The following INPP5A variants were observed in gnomAD, a reference collection of about 807,000 sequenced individuals.
INPP5A encodes the protein 43 kDa inositol polyphosphate 5-phophatase.
INPP5A carries 14 observed loss-of-function variants against 65.2 expected under a neutral mutation model. That is an observed-to-expected ratio of 0.21 (90% CI 0.14 to 0.34). INPP5A has a LOEUF of 0.34. Among genes scored for constraint, INPP5A ranks in the 10% least tolerant of loss-of-function variants. The pLI, the probability that INPP5A is intolerant of heterozygous loss-of-function variation, is 1.00. For missense variants in INPP5A, 431 were observed against 545.6 expected (o/e 0.79, Z 2.09); for synonymous variants, 207 against 208.3 (o/e 0.99, Z 0.05).
chr10:132,779,876 G>T (rs2134697343), intron 13 of INPP5A, among the ~76,000 whole-genome samples: 1 of 152,360 alleles, frequency 6.6e-6, no homozygotes, highest in South Asian at 2.1e-4. Flanking sequence ...TCGGTGACAA[G>T]TGTTCAGTGA....
At chr10:132,680,526 C>T (rs575676956) in intron 4 of INPP5A, among the ~76,000 whole-genome samples, 34 of 152,390 alleles carry the variant, frequency 2.2e-4, no homozygotes, top group African/African-American at 6.7e-4. Context: ...CGCTCGCTCT[C>T]GGCGCCTGCT....
chr10:132,781,731 C>T, intron 14 of INPP5A, 130 bp from the exon 15 acceptor site: 1 of 757,168 alleles, frequency 1.3e-6, no homozygotes, highest in Non-Finnish European at 2.3e-6. Context: ...TGCTGGCCAT[C>T]AGCTCCTCCC....
intron 8 of INPP5A, among the ~76,000 whole-genome samples, chr10:132,713,943 G>C (rs1404311192): frequency 6.6e-6 from 1 of 152,144 alleles, no homozygotes; most frequent in Non-Finnish European, 1.5e-5. Context: ...TGGACAGCAT[G>C]TCAGTCGCCC....
intron 2 of INPP5A, among the ~76,000 whole-genome samples, chr10:132,632,492 C>T (rs1193588923): frequency 6.6e-6 from 1 of 152,164 alleles, no homozygotes; most frequent in Non-Finnish European, 1.5e-5. Context: ...AGGCATGTGC[C>T]GAAGTGGATC....
chr10:132,675,507 G>T lies in INPP5A; in HGVS notation c.307-14885G>T, dbSNP rs1026490756. Among the ~76,000 whole-genome samples the T allele has an allele frequency of 2.6e-5, 4 of 152,244 alleles. No individual in the cohort carries two copies. Among genetic ancestry groups the T allele is most frequent in the African/African-American group, 4.8e-5 (2 of 41,454 alleles). ...TGTAAACCGAGGCACCTCCTGCAGTGTAAAACACGGAGAGAAGTGCGGTTG... is the reference window on the plus strand; with the variant it reads ...TGTAAACCGAGGCACCTCCTGCAGTTTAAAACACGGAGAGAAGTGCGGTTG... On this transcript the variant is annotated intron_variant, in intron 4 of 15. Coordinates refer to ENST00000368594, the MANE Select transcript of INPP5A (RefSeq NM_005539.5). This position sits in a 1 kb window ranked among gnomAD's most constrained non-coding sequence, Gnocchi z 4.2.
chr10:132,762,794 A>G lies in INPP5A; in HGVS notation c.904-2979A>G, dbSNP rs1846757974. 6.6e-6 allele frequency among the ~76,000 whole-genome samples: 1 copy of G among 152,126 alleles called. No individual in the cohort carries two copies. The highest frequency in any genetic ancestry group is 2.4e-5 in the African/African-American group (1 of 41,430). On this transcript the variant is annotated intron_variant, in intron 11 of 15. Transcript: ENST00000368594. The surrounding 1 kb of genome is among the most constrained non-coding windows in gnomAD (Gnocchi z 4.6). ...TTGCTTGAGGCCAGTAGTCTCAGAC[A>G]AGCCAGGGCAATGTGGCAAGACCCC...
In INPP5A at chr10:132,538,289, A is replaced by AGGC; in HGVS notation, c.75+118_75+119insGGC. 1.8e-5 allele frequency: 8 copies of AGGC among 438,828 alleles called. No homozygotes were observed. Among genetic ancestry groups the AGGC allele is most frequent in the Non-Finnish European group, 2.7e-5 (8 of 293,238 alleles). The allele number at this position is 438,828 out of a possible 1,614,324, so 27.2% of individuals were successfully genotyped here. A position where few individuals can be genotyped will look rare whatever the true frequency, so the allele number is the denominator to read the frequency against. On this transcript the variant is annotated intron_variant, in intron 1 of 15. Transcript: ENST00000368594. The surrounding 1 kb of genome is among the most constrained non-coding windows in gnomAD (Gnocchi z 4.1). Reference sequence around the variant, plus strand: ...GAACCTCCAGACCCAGAGGCCCCAGACTCTGATCCCTGTACCCGGGACCCC... The same window carrying AGGC: ...GAACCTCCAGACCCAGAGGCCCCAGAGGCCTCTGATCCCTGTACCCGGGACCCC...
intron 11 of INPP5A, among the ~76,000 whole-genome samples, chr10:132,756,688 A>G (rs919331041): frequency 6.6e-6 from 1 of 152,198 alleles, no homozygotes; most frequent in Non-Finnish European, 1.5e-5. Context: ...TTCTTCTCCC[A>G]CACTTCTTAC....
At chr10:132,777,527 C>A in intron 12 of INPP5A, 144 bp from the exon 13 acceptor site, 1 of 685,596 alleles carries the variant, frequency 1.5e-6, no homozygotes. Context: ...GTTTTATATT[C>A]TAGAAACTTC....
At chr10:132,625,717 A>T (rs1191813723) in intron 2 of INPP5A, among the ~76,000 whole-genome samples, 1 of 152,052 alleles carries the variant, frequency 6.6e-6, no homozygotes, top group African/African-American at 2.4e-5. Context: ...GGCTGAGGTC[A>T]GGGGCGTGCC....
At chr10:132,773,893 T>C (rs1222866588) in intron 12 of INPP5A, among the ~76,000 whole-genome samples, 1 of 152,190 alleles carries the variant, frequency 6.6e-6, no homozygotes, top group Admixed American at 6.5e-5. Flanking sequence ...CCCAAGTAGC[T>C]GGGACTACAG....
At chr10:132,597,007 G>T (rs377118542) in intron 1 of INPP5A, among the ~76,000 whole-genome samples, 3 of 151,202 alleles carry the variant, frequency 2.0e-5, no homozygotes, top group Non-Finnish European at 2.9e-5. Context: ...TTGTGTGCAC[G>T]CTCCTGTACG....
chr10:132,686,481 G>T (rs1178820663), intron 4 of INPP5A, among the ~76,000 whole-genome samples: 1 of 152,212 alleles, frequency 6.6e-6, no homozygotes, highest in African/African-American at 2.4e-5. Flanking sequence ...CTTCCTGTCG[G>T]CAGGCCCCGG....
At chr10:132,645,592 C>T (rs868543995) in intron 2 of INPP5A, among the ~76,000 whole-genome samples, 3 of 152,168 alleles carry the variant, frequency 2.0e-5, no homozygotes, top group East Asian at 3.9e-4. Context: ...GAAATAAGGC[C>T]TCTAGATGAT....
intron 5 of INPP5A, among the ~76,000 whole-genome samples, chr10:132,694,068 C>T (rs1365802297): frequency 1.3e-5 from 2 of 152,182 alleles, no homozygotes; most frequent in African/African-American, 4.8e-5. Flanking sequence ...CCAGTAACAG[C>T]AGAATCTACG....
At chr10:132,542,959 C>T (rs1304509211) in intron 1 of INPP5A, among the ~76,000 whole-genome samples, 1 of 152,146 alleles carries the variant, frequency 6.6e-6, no homozygotes, top group East Asian at 1.9e-4. Flanking sequence ...CACGCTACCA[C>T]ACCCAGCTGA....
At chr10:132,623,155 A>G (rs973167194) in intron 2 of INPP5A, among the ~76,000 whole-genome samples, 3 of 152,242 alleles carry the variant, frequency 2.0e-5, no homozygotes, top group Non-Finnish European at 4.4e-5. Flanking sequence ...TCTAAAATAT[A>G]CACAGGAAAG....
intron 4 of INPP5A, among the ~76,000 whole-genome samples, chr10:132,684,314 T>C (rs2073088388): frequency 6.6e-6 from 1 of 152,240 alleles, no homozygotes; most frequent in Non-Finnish European, 1.5e-5. Flanking sequence ...GCCTGTCTCC[T>C]GAGAGCTCCA....
At position 132,667,386 on chromosome 10, in the gene INPP5A, A is replaced by G. The variant is rs557218222; in HGVS notation, c.306+16881A>G. 2.4e-4 allele frequency among the ~76,000 whole-genome samples: 36 copies of G among 152,378 alleles called. No homozygotes were observed. In the South Asian group the frequency reaches 7.5e-3, roughly 32 times the overall value. On this transcript the variant is annotated intron_variant, in intron 4 of 15. Transcript: ENST00000368594. ...GTTTTTAAAACTGTGGGCCTTGTGC[A>G]GAGGCTCCTCCCAGTTTTCATCTAT...
Sources: allele counts gnomAD v4.1 joint callset (sites outside exome capture counted in the v4.1 genomes callset), GRCh38; gene constraint gnomAD v4.1.1; non-coding constraint Gnocchi (gnomAD v3.1); transcripts MANE v1.5; gene names NCBI Gene and HGNC (gene_info 2026-07-23, HGNC 2026-07-21).